The following TNNC2 variants were observed in gnomAD, a reference collection of about 807,000 sequenced individuals.
TNNC2 encodes the protein troponin C2, fast skeletal type, also known as troponin C, skeletal muscle.
TNNC2 carries 14 observed loss-of-function variants against 20.0 expected under a neutral mutation model. The ratio of observed to expected loss-of-function variants is 0.70; its 90% CI spans 0.46 to 1.09. The LOEUF is 1.09. TNNC2 is among the 50% of genes least tolerant of loss of function. TNNC2 has a pLI of 0.00. For synonymous variants in TNNC2, 81 were observed against 77.3 expected (o/e 1.05, Z -0.25); for missense variants, 163 against 223.8 (o/e 0.73, Z 1.73).
chr20:45,824,194 G>A, intron 4 of TNNC2, 67 bp from the exon 5 acceptor site: 1 of 1,598,360 alleles, frequency 6.3e-7, no homozygotes, highest in Non-Finnish European at 8.5e-7. Flanking sequence ...CACACTCGAC[G>A]CCCCGCTTCC....
chr20:45,830,851 A>G (rs1009347127), upstream of TNNC2, among the ~76,000 whole-genome samples: 1 of 152,324 alleles, frequency 6.6e-6, no homozygotes, highest in Non-Finnish European at 1.5e-5. Flanking sequence ...GGAGATATCC[A>G]TACAGAATTT....
intron 1 of TNNC2, among the ~76,000 whole-genome samples, chr20:45,826,447 G>C (rs952767151): frequency 2.0e-5 from 3 of 152,186 alleles, no homozygotes; most frequent in Non-Finnish European, 4.4e-5. Flanking sequence ...GGGTTTCCAC[G>C]TCATATCCAA....
chr20:45,824,519 T>C lies in TNNC2; in HGVS notation c.175A>G (p.Ile59Val). 6.2e-7 allele frequency: 1 copy of C among 1,613,732 alleles called. No individual in the cohort carries two copies. Among genetic ancestry groups the C allele is most frequent in the Non-Finnish European group, 8.5e-7 (1 of 1,180,008 alleles). ...QTPTKEELDA[I>V]IEEVDEDGSG... ...CCGTCCTCATCCACCTCCTCGATGA[T>C]GGCGTCCAGCTCCTCCTTGGTGGGT... is the stretch of plus-strand genomic sequence containing the variant. Residue 59 changes from isoleucine (I) to valine (V), a missense_variant, in exon 3 of 6, where the codon ATC becomes GTC. Physicochemically the swap from Ile to Val is conservative, Grantham distance 29 (BLOSUM62 3). Coordinates refer to ENST00000372555, the MANE Select transcript of TNNC2 (RefSeq NM_003279.3).
chr20:45,833,014 C>T (rs1421051868), intron 2 of TNNC2, among the ~76,000 whole-genome samples: 4 of 152,148 alleles, frequency 2.6e-5, no homozygotes, highest in Admixed American at 6.5e-5. Context: ...TGGTGGCGAA[C>T]GCCTCTATTC....
intron 2 of TNNC2, 46 bp from the exon 3 acceptor site, chr20:45,824,684 A>G (rs1982915017): frequency 6.2e-7 from 1 of 1,603,700 alleles, no homozygotes; most frequent in African/African-American, 1.3e-5. Flanking sequence ...CTGGACTGTC[A>G]GCCTCACACC....
upstream of TNNC2, among the ~76,000 whole-genome samples, chr20:45,828,337 C>T (rs972842998): frequency 1.3e-5 from 2 of 152,078 alleles, no homozygotes; most frequent in Non-Finnish European, 2.9e-5. Flanking sequence ...CATGCCCACC[C>T]ATGTTGATGA....
chr20:45,824,708 C>CCCCCCCCCCT, intron 2 of TNNC2, 70 bp from the exon 3 acceptor site: 5 of 1,381,386 alleles, frequency 3.6e-6, no homozygotes, highest in Non-Finnish European at 3.8e-6. Context: ...CCCCCCCCAA[C>CCCCCCCCCCT]CCCCACCCTG....
chr20:45,828,049 T>C (rs1246300718), upstream of TNNC2, among the ~76,000 whole-genome samples: 1 of 152,126 alleles, frequency 6.6e-6, no homozygotes, highest in East Asian at 1.9e-4. Context: ...GCTTTGTAAA[T>C]TATAAAGGTC....
At chr20:45,827,515 C>A (rs573154670), upstream of TNNC2, among the ~76,000 whole-genome samples, 1 of 152,248 alleles carries the variant, frequency 6.6e-6, no homozygotes, top group Non-Finnish European at 1.5e-5. Flanking sequence ...GCCTTGACGT[C>A]CTAGATTCTT....
chr20:45,824,609 C>T lies in TNNC2; in HGVS notation c.85G>A (p.Ala29Thr), dbSNP rs983640804. 4 of 1,611,120 alleles carry T rather than the reference C, an allele frequency of 2.5e-6. No individual in the cohort carries two copies. The highest frequency in any genetic ancestry group is 3.4e-6 in the Non-Finnish European group (4 of 1,180,006). The change falls in exon 3 of 6, where the codon GCT becomes ACT. Residue 29 changes from alanine (A) to threonine (T), a missense_variant. Coordinates refer to ENST00000372555, the MANE Select transcript of TNNC2 (RefSeq NM_003279.3). The stretch of plus-strand genomic sequence containing the variant: ...ACGCTGATGTCCCCACCACCATCAG[C>T]ATCAAACATGTCAAAGGCAGCCTTG... The part of the protein sequence containing the change: ...EFKAAFDMFD[A>T]DGGGDISVKE...
In TNNC2 at chr20:45,823,274, G is replaced by C; in HGVS notation, c.*74C>G. On this transcript the variant is annotated 3_prime_UTR_variant, in exon 6 of 6. Transcript: ENST00000372555. The surrounding 1 kb of genome is among the most constrained non-coding windows in gnomAD (Gnocchi z 4.6). ...GACCCACAAGGGGTCGCGCCTCCCTGGTGGGGACCCGGCAGGGCGGAGTCT... is the reference window on the plus strand; with the variant it reads ...GACCCACAAGGGGTCGCGCCTCCCTCGTGGGGACCCGGCAGGGCGGAGTCT... 3.5e-6 allele frequency: 5 copies of C among 1,418,084 alleles called. No individual in the cohort carries two copies. The highest frequency in any genetic ancestry group is 4.7e-6 in the Non-Finnish European group (5 of 1,053,856). 87.8% of individuals were successfully genotyped at this position (1,418,084 alleles called of 1,614,324 possible).
At chr20:45,824,944 G>A in intron 1 of TNNC2, 110 bp from the exon 2 acceptor site, 1 of 1,189,084 alleles carries the variant, frequency 8.4e-7, no homozygotes, top group East Asian at 2.3e-5. Flanking sequence ...TGGTTCTCCA[G>A]AAGAACAACT....
upstream of TNNC2, among the ~76,000 whole-genome samples, chr20:45,828,500 T>C (rs564714082): frequency 1.3e-5 from 2 of 152,310 alleles, no homozygotes; most frequent in South Asian, 4.1e-4. Context: ...CTCTGAAAGT[T>C]ACCTTCTCCA....
At chr20:45,826,838 G>A (rs565351412) in intron 1 of TNNC2, among the ~76,000 whole-genome samples, 11 of 152,272 alleles carry the variant, frequency 7.2e-5, no homozygotes, top group Admixed American at 1.3e-4. Context: ...CCGGCCTCCC[G>A]TCTTCTGGAG....
At chr20:45,826,041 T>C (rs1431716610) in intron 1 of TNNC2, among the ~76,000 whole-genome samples, 1 of 117,508 alleles carries the variant, frequency 8.5e-6, no homozygotes, top group East Asian at 3.0e-4. Flanking sequence ...GGCACGTCAA[T>C]TAGCGTGCCT....
rs378710 is a variant in TNNC2, at chr20:45,823,613, C to G, written c.452-234G>C. On this transcript the variant is annotated intron_variant, in intron 5 of 5. Coordinates refer to ENST00000372555, the MANE Select transcript of TNNC2 (RefSeq NM_003279.3). This position sits in a 1 kb window ranked among gnomAD's most constrained non-coding sequence, Gnocchi z 4.6. ...CAAGCGATCCTCTTACCTCAGCCCC[C>G]GGAGCAACTGGGACCACAGGTGTGC... Among the ~76,000 whole-genome samples the G allele has an allele frequency of 0.43, 64,705 of 151,910 alleles. 15,689 individuals carry two copies. The highest frequency in any genetic ancestry group is 0.54 in the Non-Finnish European group (36,909 of 67,902).
chr20:45,824,062 A>G lies in TNNC2; in HGVS notation c.380T>C (p.Val127Ala). 6.2e-7 allele frequency: 1 copy of G among 1,614,040 alleles called. No homozygotes were observed. The highest frequency in any genetic ancestry group is 8.5e-7 in the Non-Finnish European group (1 of 1,179,988). The stretch of plus-strand genomic sequence containing the variant: ...CAGAGATTCGATCTCCTCGTCCGTC[A>G]CGTGCTCCCCGGAGGCCCTGAAAAT... ...AEIFRASGEHVTDEEIESLMK... is the reference protein window; with the variant it reads ...AEIFRASGEHATDEEIESLMK... The change falls in exon 5 of 6, where the codon GTG (valine) becomes GCG (alanine). Residue 127 changes from valine (V) to alanine (A), a missense_variant. Physicochemically the swap from Val to Ala is moderately conservative, Grantham distance 64 (BLOSUM62 0). Coordinates refer to ENST00000372555, the MANE Select transcript of TNNC2 (RefSeq NM_003279.3).
upstream of TNNC2, among the ~76,000 whole-genome samples, chr20:45,829,756 A>G (rs1239582986): frequency 6.6e-6 from 1 of 151,034 alleles, no homozygotes; most frequent in Non-Finnish European, 1.5e-5. Flanking sequence ...ACTGCACTCC[A>G]GCCTGGGCAA....
At chr20:45,828,728 A>C (rs985598790), upstream of TNNC2, among the ~76,000 whole-genome samples, 1 of 152,144 alleles carries the variant, frequency 6.6e-6, no homozygotes, top group Non-Finnish European at 1.5e-5. Context: ...GCTTGTAGAC[A>C]GTGGCTACGT....
Sources: gnomAD v4.1 joint callset for allele counts (sites outside exome capture counted in the v4.1 genomes callset) on GRCh38, gnomAD v4.1.1 for gene constraint, Gnocchi (gnomAD v3.1) non-coding constraint, MANE v1.5 for transcripts, NCBI Gene and HGNC (gene_info 2026-07-23, HGNC 2026-07-21) for gene names.